The following ELMO1 variants were observed in gnomAD, a reference collection of about 807,000 sequenced individuals.
ELMO1 encodes the protein engulfment and cell motility 1, also known as engulfment and cell motility protein 1.
Under a neutral mutation model 98.9 loss-of-function variants are expected in ELMO1, and 26 were observed. The ratio of observed to expected loss-of-function variants is 0.26; its 90% confidence interval spans 0.19 to 0.36. The LOEUF (loss-of-function observed/expected upper bound fraction) is 0.36, where lower values mean the gene tolerates loss of function less well. Among genes scored for constraint, ELMO1 ranks in the 10% least tolerant of loss-of-function variants. The probability of loss-of-function intolerance (pLI) is 1.00; values close to 1 mark genes in which losing one functional copy is unlikely to be tolerated. For missense variants in ELMO1, 627 were observed against 935.2 expected (o/e 0.67, Z 4.30); for synonymous variants, 346 against 346.0 (o/e 1.00, Z 0.00).
chr7:37,265,284 C>T (rs1348776224), intron 5 of ELMO1, among the ~76,000 whole-genome samples: 1 of 152,142 alleles, frequency 6.6e-6, no homozygotes, highest in East Asian at 1.9e-4. Context: ...CTCCCCTGGC[C>T]TTCTCAAGTA....
intron 16 of ELMO1, among the ~76,000 whole-genome samples, chr7:36,918,558 A>C (rs1784888883): frequency 1.3e-5 from 2 of 152,128 alleles, no homozygotes; most frequent in Non-Finnish European, 2.9e-5. Context: ...CCCAGTGACA[A>C]TGTGTATCAT....
At chr7:37,233,586 C>T (rs1405489684) in intron 7 of ELMO1, among the ~76,000 whole-genome samples, 1 of 152,192 alleles carries the variant, frequency 6.6e-6, no homozygotes, top group Non-Finnish European at 1.5e-5. Flanking sequence ...CATATAGACA[C>T]TCAGTAAATG....
chr7:37,349,480 G>A (rs545903356), intron 1 of ELMO1, among the ~76,000 whole-genome samples: 1 of 151,982 alleles, frequency 6.6e-6, no homozygotes, highest in African/African-American at 2.4e-5. Flanking sequence ...TTGAGATGAA[G>A]TCTCACTCTG....
At chr7:37,396,853 A>G (rs1803320975) in intron 1 of ELMO1, among the ~76,000 whole-genome samples, 1 of 152,250 alleles carries the variant, frequency 6.6e-6, no homozygotes, top group South Asian at 2.1e-4. Context: ...AGTGTTAGCC[A>G]GAAATTAGTG....
At chr7:36,951,613 C>A (rs563137658) in intron 16 of ELMO1, among the ~76,000 whole-genome samples, 1 of 152,264 alleles carries the variant, frequency 6.6e-6, no homozygotes, top group Admixed American at 6.5e-5. Context: ...TGAGAATCTG[C>A]ATTTCTAGCA....
In ELMO1 at chr7:37,342,692, G is replaced by T. The variant is rs1800783411; in HGVS notation, c.-2C>A. ...GACGATGTCCGCGGGTGGCGGCATTGTAAGTCCCCAAAATGTTCAAAGCCA... is the reference window on the plus strand; with the variant it reads ...GACGATGTCCGCGGGTGGCGGCATTTTAAGTCCCCAAAATGTTCAAAGCCA... On this transcript the variant is annotated 5_prime_UTR_variant, in exon 2 of 22. Coordinates refer to ENST00000310758, the MANE Select transcript of ELMO1 (RefSeq NM_014800.11). The surrounding 1 kb of genome is among the most constrained non-coding windows in gnomAD (Gnocchi z 4.3). 1.9e-6 allele frequency: 3 copies of T among 1,609,692 alleles called. No homozygotes were observed. The highest frequency in any genetic ancestry group is 1.7e-4 in the Middle Eastern group (1 of 6,054).
intron 19 of ELMO1, among the ~76,000 whole-genome samples, chr7:36,876,879 C>A (rs1378092676): frequency 2.0e-5 from 3 of 152,202 alleles, no homozygotes; most frequent in Non-Finnish European, 4.4e-5. Context: ...ATAATGTGGG[C>A]TGGGAAGAAA....
At chr7:37,264,179 G>GT (rs1796128621) in intron 5 of ELMO1, among the ~76,000 whole-genome samples, 1 of 152,162 alleles carries the variant, frequency 6.6e-6, no homozygotes, top group Non-Finnish European at 1.5e-5. Flanking sequence ...TGGAGTGTGT[G>GT]TATCTGCCAG....
intron 16 of ELMO1, among the ~76,000 whole-genome samples, chr7:37,010,334 C>A (rs1322564139): frequency 6.6e-6 from 1 of 152,216 alleles, no homozygotes; most frequent in Non-Finnish European, 1.5e-5. Flanking sequence ...GCATTCCAAT[C>A]CTCAGAACCT....
chr7:37,354,993 G>A (rs1229299289), intron 1 of ELMO1, among the ~76,000 whole-genome samples: 1 of 152,222 alleles, frequency 6.6e-6, no homozygotes, highest in African/African-American at 2.4e-5. Context: ...TGCCTCCACT[G>A]GGTTTCACCT....
chr7:37,417,400 G>C (rs193193126), intron 1 of ELMO1, among the ~76,000 whole-genome samples: 1 of 152,124 alleles, frequency 6.6e-6, no homozygotes, highest in Non-Finnish European at 1.5e-5. Context: ...GGTGTCTTAC[G>C]CCTGTAATCC....
intron 4 of ELMO1, among the ~76,000 whole-genome samples, chr7:37,291,944 C>CCCTCCCCCTCCT (rs559377661): frequency 2.3e-4 from 12 of 51,064 alleles, no homozygotes; most frequent in East Asian, 8.2e-4. Flanking sequence ...CTCCCTCTCC[C>CCCTCCCCCTCCT]TCTGCCCACG....
At chr7:36,942,587 A>G (rs926324169) in intron 16 of ELMO1, among the ~76,000 whole-genome samples, 1 of 152,206 alleles carries the variant, frequency 6.6e-6, no homozygotes, top group African/African-American at 2.4e-5. Flanking sequence ...TAGACAACAG[A>G]TTATCTTTAG....
chr7:37,308,923 G>A (rs1489332501), intron 4 of ELMO1, among the ~76,000 whole-genome samples: 1 of 152,170 alleles, frequency 6.6e-6, no homozygotes, highest in East Asian at 1.9e-4. Flanking sequence ...GCAAGACATG[G>A]GTTTAACAGA....
intron 8 of ELMO1, among the ~76,000 whole-genome samples, chr7:37,231,334 A>AG (rs1460283407): frequency 6.7e-6 from 1 of 149,438 alleles, no homozygotes; most frequent in African/African-American, 2.4e-5. Context: ...ATTAATTTCA[A>AG]AAAAAAAAAA....
At chr7:37,065,337 T>A (rs754257335) in intron 15 of ELMO1, among the ~76,000 whole-genome samples, 1 of 152,014 alleles carries the variant, frequency 6.6e-6, no homozygotes, top group Non-Finnish European at 1.5e-5. Flanking sequence ...GGTGTCTCCA[T>A]CACCCCCGGC....
chr7:36,915,405 G>A (rs1784619215), intron 16 of ELMO1, among the ~76,000 whole-genome samples: 1 of 152,146 alleles, frequency 6.6e-6, no homozygotes, highest in African/African-American at 2.4e-5. Flanking sequence ...TCTAAGATAG[G>A]AGGGGGAAAG....
chr7:36,969,835 T>C (rs556994492), intron 16 of ELMO1, among the ~76,000 whole-genome samples: 2 of 152,338 alleles, frequency 1.3e-5, no homozygotes, highest in South Asian at 4.1e-4. Context: ...ATTTCTTTAA[T>C]AATTAAAGTC....
At position 37,019,436 on chromosome 7, in the gene ELMO1, T is replaced by C. The variant is rs78824766; in HGVS notation, c.1301-6001A>G. On this transcript the variant is annotated intron_variant, in intron 15 of 21. Coordinates refer to ENST00000310758, the MANE Select transcript of ELMO1 (RefSeq NM_014800.11). Reference sequence around the variant, plus strand: ...CGCTGTGAGGATCAAATGGGAACAGTGACTAAGACAGCAAGCTCAATCCAA... The same window carrying C: ...CGCTGTGAGGATCAAATGGGAACAGCGACTAAGACAGCAAGCTCAATCCAA... Among the ~76,000 whole-genome samples the C allele has an allele frequency of 5.1e-3, 771 of 152,358 alleles. 2 individuals are homozygous for C. Among genetic ancestry groups the C allele is most frequent in the African/African-American group, 0.018 (728 of 41,582 alleles).
Sources: gnomAD v4.1 joint callset for allele counts (sites outside exome capture counted in the v4.1 genomes callset) on GRCh38, gnomAD v4.1.1 for gene constraint, Gnocchi (gnomAD v3.1) non-coding constraint, MANE v1.5 for transcripts, NCBI Gene and HGNC (gene_info 2026-07-23, HGNC 2026-07-21) for gene names.